Variants in COLEC10 observed in about 807,000 individuals in gnomAD.
COLEC10 encodes the protein collectin subfamily member 10.
A neutral mutation model predicts 28.4 loss-of-function variants in COLEC10; 22 were observed. The ratio of observed to expected loss-of-function variants is 0.78; its 90% CI spans 0.55 to 1.11. COLEC10 has a LOEUF of 1.11. Ranked by LOEUF, COLEC10 falls within the 50% of genes least tolerant of loss-of-function variation. COLEC10 has a pLI of 0.00. For synonymous variants in COLEC10, 125 were observed against 116.1 expected (o/e 1.08, Z -0.49); for missense variants, 361 against 344.1 (o/e 1.05, Z -0.39).
At chr8:118,956,598 C>T in the COLEC10 span, among the ~76,000 whole-genome samples, 1 of 152,140 alleles carries the variant, frequency 6.6e-6, no homozygotes, top group Non-Finnish European at 1.5e-5. Flanking sequence ...AGATAGTCAT[C>T]TAGTGCCTAC....
chr8:119,052,012 TA>T (rs1253439284), intron 2 of COLEC10, among the ~76,000 whole-genome samples: 2 of 152,102 alleles, frequency 1.3e-5, no homozygotes, highest in Non-Finnish European at 2.9e-5. Flanking sequence ...TCAAAAGAGA[TA>T]GCCAAGATAG....
rs570138964 is a variant in COLEC10, at chr8:119,012,691, G to A, written n.235+3138G>A. On this transcript the variant is annotated intron_variant and non_coding_transcript_variant, in intron 2 of 6. Transcript: ENST00000521788. ...AGATTGTTTATTTCTTCTTGTGTGAGTTTTGGCAGATTGTGTTTTTCAAGG... is the reference window on the plus strand; with the variant it reads ...AGATTGTTTATTTCTTCTTGTGTGAATTTTGGCAGATTGTGTTTTTCAAGG... Among the ~76,000 whole-genome samples the A allele has an allele frequency of 2.7e-5, 4 of 150,604 alleles. No individual in the cohort carries two copies. The South Asian group carries it at 8.3e-4, about 31-fold the overall frequency.
intron 2 of COLEC10, among the ~76,000 whole-genome samples, chr8:119,016,728 G>A (rs1026648510): frequency 6.6e-6 from 1 of 151,986 alleles, no homozygotes; most frequent in African/African-American, 2.4e-5. Context: ...TGTTTTGTTT[G>A]TTTGTTTGAG....
At position 119,106,677 on chromosome 8, in the gene COLEC10, A is replaced by G. The variant is rs1420346157; in HGVS notation, c.*486A>G. 1.3e-5 allele frequency: 2 copies of G among 157,598 alleles called. No homozygotes were observed. The highest frequency in any genetic ancestry group is 2.8e-5 in the Non-Finnish European group (2 of 70,960). 9.8% of individuals were successfully genotyped at this position (157,598 alleles called of 1,614,324 possible). On this transcript the variant is annotated 3_prime_UTR_variant, in exon 6 of 6. Transcript: ENST00000332843. Reference sequence around the variant, plus strand: ...TGAATCCAAGATGCCCAGATCTTTTACCAGTCACACCCTATGGCCATGGCT... The same window carrying G: ...TGAATCCAAGATGCCCAGATCTTTTGCCAGTCACACCCTATGGCCATGGCT...
chr8:118,995,123 A>C (rs1196934079), upstream of COLEC10, among the ~76,000 whole-genome samples: 2 of 152,208 alleles, frequency 1.3e-5, no homozygotes, highest in East Asian at 1.9e-4. Flanking sequence ...AATACTACCC[A>C]GCCAGTATTC....
rs957204396 is a variant in COLEC10 at position 119,106,346 on chromosome 8, T to G, written c.*155T>G. 10 of 709,540 alleles carry G rather than the reference T, an allele frequency of 1.4e-5. No homozygotes were observed. Among genetic ancestry groups the G allele is most frequent in the Non-Finnish European group, 2.1e-5 (9 of 437,700 alleles). 44.0% of individuals were successfully genotyped at this position (709,540 alleles called of 1,614,324 possible). On this transcript the variant is annotated 3_prime_UTR_variant, in exon 6 of 6. Transcript: ENST00000332843. ...TGGAGCCTCCATCATCATGCTCTTT[T>G]GTGATGATTTTCATATTTTCACACA...
chr8:119,044,922 G>A (rs1317102832), intron 2 of COLEC10, among the ~76,000 whole-genome samples: 2 of 151,520 alleles, frequency 1.3e-5, no homozygotes, highest in African/African-American at 2.4e-5. Context: ...AAGGCGAGTT[G>A]GTATATTTCT....
At chr8:118,964,843 A>G in the COLEC10 span, among the ~76,000 whole-genome samples, 3 of 152,178 alleles carry the variant, frequency 2.0e-5, no homozygotes, top group Admixed American at 1.3e-4. Flanking sequence ...TCGACCAGAT[A>G]CTGTTCCGTA....
the COLEC10 span, among the ~76,000 whole-genome samples, chr8:118,981,657 T>C: frequency 6.6e-6 from 1 of 152,138 alleles, no homozygotes. Context: ...TTTTCCCTAT[T>C]TGAAACTAAA....
At chr8:118,979,725 A>G in the COLEC10 span, among the ~76,000 whole-genome samples, 1 of 152,144 alleles carries the variant, frequency 6.6e-6, no homozygotes, top group African/African-American at 2.4e-5. Flanking sequence ...AATATACAAG[A>G]ATGGATGCAT....
intron 2 of COLEC10, among the ~76,000 whole-genome samples, chr8:119,035,642 C>T (rs893901523): frequency 1.7e-4 from 26 of 152,210 alleles, no homozygotes; most frequent in African/African-American, 6.0e-4. Context: ...CAAAGACCAC[C>T]ACAGAGTTCA....
At chr8:118,978,449 T>C in the COLEC10 span, among the ~76,000 whole-genome samples, 174 of 152,254 alleles carry the variant, frequency 1.1e-3, 4 homozygotes, top group African/African-American at 4.0e-3. Flanking sequence ...TTGTTTACCA[T>C]CTGGGGAGTC....
the COLEC10 span, among the ~76,000 whole-genome samples, chr8:118,972,705 G>A: frequency 6.6e-6 from 1 of 151,882 alleles, no homozygotes. Flanking sequence ...AAAACTATGA[G>A]CTCTGCCTTT....
intron 1 of COLEC10, among the ~76,000 whole-genome samples, chr8:119,008,484 T>TA (rs1554622908): frequency 2.0e-5 from 3 of 149,694 alleles, no homozygotes; most frequent in Non-Finnish European, 2.9e-5. Context: ...CTTTTTATTT[T>TA]TTTTTTTGCC....
At chr8:119,029,509 C>T (rs1814250828) in intron 2 of COLEC10, among the ~76,000 whole-genome samples, 1 of 152,138 alleles carries the variant, frequency 6.6e-6, no homozygotes, top group Admixed American at 6.5e-5. Flanking sequence ...GACACACACA[C>T]ACACAAAACA....
intron 2 of COLEC10, among the ~76,000 whole-genome samples, chr8:119,054,447 G>GTGA (rs1242479295): frequency 6.6e-6 from 1 of 152,074 alleles, no homozygotes; most frequent in Non-Finnish European, 1.5e-5. Flanking sequence ...TAAAAGATAA[G>GTGA]TGATGATGAT....
At chr8:119,032,996 C>T (rs142218388) in intron 2 of COLEC10, among the ~76,000 whole-genome samples, 202 of 152,252 alleles carry the variant, frequency 1.3e-3, no homozygotes, top group Non-Finnish European at 2.3e-3. Flanking sequence ...TTTTGATGTG[C>T]TCTCTCGAAT....
At chr8:119,091,271 C>T (rs756486979) in intron 3 of COLEC10, 51 bp downstream of exon 3, 14 of 1,364,596 alleles carry the variant, frequency 1.0e-5, no homozygotes, top group South Asian at 3.6e-5. Flanking sequence ...AAATTGAGGC[C>T]GGGTACGATG....
intron 2 of COLEC10, among the ~76,000 whole-genome samples, chr8:119,010,805 G>T (rs1246079799): frequency 6.6e-6 from 1 of 151,092 alleles, no homozygotes; most frequent in Non-Finnish European, 1.5e-5. Context: ...CATCTTTAGT[G>T]AGGTGTCTGT....
Sources: allele counts gnomAD v4.1 joint callset (sites outside exome capture counted in the v4.1 genomes callset), GRCh38; gene constraint gnomAD v4.1.1; transcripts MANE v1.5; gene names NCBI Gene and HGNC (gene_info 2026-07-23, HGNC 2026-07-21).